KIAA1549L: variants seen among roughly 807,000 people sequenced by gnomAD.
KIAA1549L encodes UPF0606 protein KIAA1549L.
In KIAA1549L, 88 loss-of-function variants were observed where a neutral mutation model predicts 160.7. The ratio of observed to expected loss-of-function variants is 0.55; its 90% CI spans 0.46 to 0.65. The LOEUF is 0.65. KIAA1549L is among the 30% of genes least tolerant of loss of function. KIAA1549L has a pLI of 0.00. For synonymous variants in KIAA1549L, 950 were observed against 976.7 expected (o/e 0.97, Z 0.51); for missense variants, 2,258 against 2,437.5 (o/e 0.93, Z 1.55).
intron 11 of KIAA1549L, among the ~76,000 whole-genome samples, chr11:33,587,719 G>A (rs145704817): frequency 6.6e-6 from 1 of 152,328 alleles, no homozygotes; most frequent in African/African-American, 2.4e-5. Context: ...GAAGTATCCA[G>A]TGGATAACTT....
At chr11:33,517,966 C>T (rs1853388229) in intron 1 of KIAA1549L, among the ~76,000 whole-genome samples, 1 of 151,482 alleles carries the variant, frequency 6.6e-6, no homozygotes, top group African/African-American at 2.4e-5. Flanking sequence ...ATGGTGAAAC[C>T]CCATCTCTAC....
At chr11:33,494,077 C>T (rs1363900050) in intron 1 of KIAA1549L, among the ~76,000 whole-genome samples, 1 of 152,192 alleles carries the variant, frequency 6.6e-6, no homozygotes, top group Non-Finnish European at 1.5e-5. Context: ...TCCAGAACTG[C>T]CTTGGTTTCC....
Position 33,628,207 on chromosome 11 carries a change from T to A in KIAA1549L, c.5409+9545T>A, listed in dbSNP as rs1238316029. Among the ~76,000 whole-genome samples the A allele has an allele frequency of 2.2e-3, 336 of 152,166 alleles. 1 individual carries two copies. Among genetic ancestry groups the A allele is most frequent in the African/African-American group, 7.8e-3 (322 of 41,454 alleles). On this transcript the variant is annotated intron_variant, in intron 16 of 20. Transcript: ENST00000658780. ...GCTGAGGAGAGCTTTACTTCCAAGT[T>A]TGTGGTCAATTTTGGAATAGGTGTG... is the stretch of plus-strand genomic sequence containing the variant.
chr11:33,403,008 A>C (rs1275511648), intron 1 of KIAA1549L, among the ~76,000 whole-genome samples: 1 of 152,166 alleles, frequency 6.6e-6, no homozygotes, highest in Non-Finnish European at 1.5e-5. Context: ...TAAAGCTCAC[A>C]CGAGAGGCAA....
intron 1 of KIAA1549L, among the ~76,000 whole-genome samples, chr11:33,452,633 T>C (rs575536913): frequency 6.6e-6 from 1 of 152,190 alleles, no homozygotes; most frequent in African/African-American, 2.4e-5. Context: ...TATGTATGTA[T>C]GTATGTATGG....
Position 33,495,579 on chromosome 11 carries a change from A to G in KIAA1549L, c.239-46223A>G, listed in dbSNP as rs532363814. Among the ~76,000 whole-genome samples the G allele has an allele frequency of 6.6e-5, 10 of 152,344 alleles. No homozygotes were observed. In the East Asian group the frequency reaches 1.3e-3, roughly 21 times the overall value. ...CTTTGCTATTGTGAATAATGCCGCAATAAGCATATGCGTGCATGTGTCTTT... is the reference window on the plus strand; with the variant it reads ...CTTTGCTATTGTGAATAATGCCGCAGTAAGCATATGCGTGCATGTGTCTTT... On this transcript the variant is annotated intron_variant, in intron 1 of 20. Transcript: ENST00000658780.
chr11:33,490,325 T>C (rs924982028), intron 1 of KIAA1549L, among the ~76,000 whole-genome samples: 2 of 98,344 alleles, frequency 2.0e-5, no homozygotes, highest in African/African-American at 1.2e-4. Flanking sequence ...ACTTTACCTC[T>C]TTTTTTTTTT....
chr11:33,473,480 T>A (rs1590271224), intron 1 of KIAA1549L, among the ~76,000 whole-genome samples: 2 of 152,156 alleles, frequency 1.3e-5, no homozygotes, highest in East Asian at 3.9e-4. Context: ...AAGACACGCG[T>A]GAAGGCTCAT....
intron 1 of KIAA1549L, among the ~76,000 whole-genome samples, chr11:33,477,541 A>G (rs1852317224): frequency 6.6e-6 from 1 of 150,760 alleles, no homozygotes; most frequent in African/African-American, 2.5e-5. Flanking sequence ...ACACACACAC[A>G]CGACACTACC....
At position 33,542,021 on chromosome 11, in the gene KIAA1549L, C is replaced by T. The variant is rs899380052; in HGVS notation, c.458C>T (p.Ala153Val). 6.6e-6 allele frequency: 3 copies of T among 456,074 alleles called. No individual in the cohort carries two copies. The highest frequency in any genetic ancestry group is 1.4e-4 in the East Asian group (2 of 14,392). The allele number at this position is 456,074 out of a possible 1,614,324, so 28.3% of individuals were successfully genotyped here. Residue 153 changes from alanine (A) to valine (V), a missense_variant, in exon 2 of 21, where the codon GCG becomes GTG. By Grantham distance (64) the Ala-to-Val change is moderately conservative. Around this residue, in one of 6 missense-constraint regions of KIAA1549L, gnomAD observed 540 missense variants for 465.7 expected, o/e 1.16. Coordinates refer to ENST00000658780, the MANE Select transcript of KIAA1549L (RefSeq NM_012194.3). ...ACACACCACAGAACTAGGGCTCACG[C>T]GGACTTCTCTTCTTCCCTTTACCAA... ...SKTHHRTRAHADFSSSLYQGS... is the reference protein window; with the variant it reads ...SKTHHRTRAHVDFSSSLYQGS...
rs1353589141 is a variant in KIAA1549L, at chr11:33,420,224, G to GTTTTT, written c.238+43341_238+43345dup. 6.7e-5 allele frequency among the ~76,000 whole-genome samples: 7 copies of GTTTTT among 104,542 alleles called. 1 individual carries two copies. The highest frequency in any genetic ancestry group is 1.1e-4 in the Admixed American group (1 of 8,706). The allele number at this position is 104,542 out of a possible 152,430, so 68.6% of individuals were successfully genotyped here. ...TAAGAATCTTGGTTTGTATCTCAAAGTTTTTTTTTTGTTTTTTTTTTTTTT... is the reference window on the plus strand; with the variant it reads ...TAAGAATCTTGGTTTGTATCTCAAAGTTTTTTTTTTTTTTTGTTTTTTTTTTTTTT... On this transcript the variant is annotated intron_variant, in intron 1 of 20. Coordinates refer to ENST00000658780, the MANE Select transcript of KIAA1549L (RefSeq NM_012194.3).
At chr11:33,396,162 C>T (rs189376363) in intron 1 of KIAA1549L, among the ~76,000 whole-genome samples, 134 of 152,170 alleles carry the variant, frequency 8.8e-4, no homozygotes, top group African/African-American at 2.6e-3. Context: ...ACCCATGTTC[C>T]GGGCAGCAGG....
chr11:33,557,917 C>T (rs889359153), intron 6 of KIAA1549L, among the ~76,000 whole-genome samples: 1 of 150,472 alleles, frequency 6.6e-6, no homozygotes, highest in Non-Finnish European at 1.5e-5. Context: ...AGAGAAAAGG[C>T]GGGGGAGAGA....
intron 9 of KIAA1549L, 114 bp from the exon 10 acceptor site, chr11:33,574,588 G>C: frequency 1.1e-6 from 1 of 944,622 alleles, no homozygotes; most frequent in Non-Finnish European, 1.6e-6. Flanking sequence ...GAAGGTTGGC[G>C]TCTAGCCACA....
At chr11:33,531,967 G>C (rs1418476022) in intron 1 of KIAA1549L, among the ~76,000 whole-genome samples, 1 of 152,168 alleles carries the variant, frequency 6.6e-6, no homozygotes, top group Non-Finnish European at 1.5e-5. Flanking sequence ...AGCTCTGTGG[G>C]CCCCAGTCTT....
intron 1 of KIAA1549L, among the ~76,000 whole-genome samples, chr11:33,407,856 A>G (rs1850699506): frequency 6.6e-6 from 1 of 151,960 alleles, no homozygotes; most frequent in South Asian, 2.1e-4. Flanking sequence ...CCGTCTATCC[A>G]TTTTCTCTCT....
intron 1 of KIAA1549L, among the ~76,000 whole-genome samples, chr11:33,438,990 G>A (rs1174388838): frequency 6.6e-6 from 1 of 151,950 alleles, no homozygotes; most frequent in Non-Finnish European, 1.5e-5. Flanking sequence ...GCAGTGGCAC[G>A]ATCTCAGCTC....
At chr11:33,642,058 C>A (rs1437021926) in intron 16 of KIAA1549L, among the ~76,000 whole-genome samples, 1 of 152,024 alleles carries the variant, frequency 6.6e-6, no homozygotes, top group East Asian at 1.9e-4. Context: ...GAGGGAGGTG[C>A]AGGGATGTTT....
At chr11:33,457,809 C>T (rs976036725) in intron 1 of KIAA1549L, among the ~76,000 whole-genome samples, 2 of 152,184 alleles carry the variant, frequency 1.3e-5, no homozygotes, top group Non-Finnish European at 2.9e-5. Context: ...GTGGTATCAT[C>T]CTTAGACCTT....
Sources: gnomAD v4.1 joint callset for allele counts (sites outside exome capture counted in the v4.1 genomes callset) on GRCh38, gnomAD v4.1.1 for gene constraint, gnomAD v4.1.1 regional missense constraint, MANE v1.5 for transcripts, NCBI Gene and HGNC (gene_info 2026-07-23, HGNC 2026-07-21) for gene names.